The following RAPGEF4 variants were observed in gnomAD, a reference collection of about 807,000 sequenced individuals.
The protein encoded by RAPGEF4 is Rap guanine nucleotide exchange factor 4.
In RAPGEF4, 66 loss-of-function variants were observed where a neutral mutation model predicts 147.9. The observed-to-expected ratio is 0.45, with a 90% confidence interval of 0.37 to 0.55. RAPGEF4 has a LOEUF of 0.55. Among genes scored for constraint, RAPGEF4 ranks in the 20% least tolerant of loss-of-function variants. The pLI is 0.00. For synonymous variants in RAPGEF4, 419 were observed against 442.7 expected, an observed-to-expected ratio of 0.95 and a Z score of 0.67; for missense variants, 1,071 against 1,257.3, an observed-to-expected ratio of 0.85 and a Z score of 2.24.
At chr2:173,026,079 C>T (rs1050409607) in intron 23 of RAPGEF4, among the ~76,000 whole-genome samples, 1 of 152,166 alleles carries the variant, frequency 6.6e-6, no homozygotes, top group Non-Finnish European at 1.5e-5. Context: ...CCTCATGACC[C>T]CAGGCAGTGT....
chr2:172,739,848 G>A (rs1367288088), intron 1 of RAPGEF4, among the ~76,000 whole-genome samples: 1 of 152,186 alleles, frequency 6.6e-6, no homozygotes, highest in Non-Finnish European at 1.5e-5. Context: ...ATCATGATGG[G>A]ACAGGCATTG....
intron 1 of RAPGEF4, among the ~76,000 whole-genome samples, chr2:172,751,841 A>C (rs1695323351): frequency 6.6e-6 from 1 of 152,214 alleles, no homozygotes; most frequent in Admixed American, 6.5e-5. Flanking sequence ...TTTTTGGGAA[A>C]GTACCCATAG....
intron 1 of RAPGEF4, among the ~76,000 whole-genome samples, chr2:172,749,979 CA>C (rs968668722): frequency 3.3e-5 from 5 of 152,108 alleles, no homozygotes; most frequent in African/African-American, 1.2e-4. Flanking sequence ...CTCCAGTTCC[CA>C]AAAAGTTCCT....
At chr2:172,935,442 C>A (rs928549471) in intron 6 of RAPGEF4, among the ~76,000 whole-genome samples, 2 of 151,990 alleles carry the variant, frequency 1.3e-5, no homozygotes, top group Admixed American at 6.6e-5. Flanking sequence ...AGGTCTGTGC[C>A]CAGAAGGAGG....
chr2:172,825,590 C>T (rs960971756), intron 4 of RAPGEF4, among the ~76,000 whole-genome samples: 2 of 152,166 alleles, frequency 1.3e-5, no homozygotes, highest in African/African-American at 4.8e-5. Flanking sequence ...GAGTTAAATA[C>T]ATTGGCATTT....
chr2:172,863,390 A>G (rs776905152), intron 4 of RAPGEF4, among the ~76,000 whole-genome samples: 4 of 152,198 alleles, frequency 2.6e-5, no homozygotes, highest in African/African-American at 4.8e-5. Flanking sequence ...TGGCAAATCT[A>G]TGTTTGGAGT....
intron 1 of RAPGEF4, among the ~76,000 whole-genome samples, chr2:172,776,564 A>AT (rs1444759688): frequency 6.6e-6 from 1 of 151,828 alleles, no homozygotes; most frequent in Non-Finnish European, 1.5e-5. Flanking sequence ...TCATATGTGG[A>AT]TTAAACTCTC....
intron 6 of RAPGEF4, among the ~76,000 whole-genome samples, chr2:172,930,305 A>T (rs953328840): frequency 1.3e-5 from 2 of 152,138 alleles, no homozygotes; most frequent in African/African-American, 4.8e-5. Context: ...TCCCAACAAG[A>T]CACCTTCCTC....
chr2:173,038,078 C>T lies in RAPGEF4; in HGVS notation c.2853+1386C>T, dbSNP rs759642262. 1.1e-4 allele frequency among the ~76,000 whole-genome samples: 17 copies of T among 152,268 alleles called. No homozygotes were observed. The South Asian group carries it at 2.7e-3, about 24-fold the overall frequency. On this transcript the variant is annotated intron_variant, in intron 29 of 30. Coordinates refer to ENST00000397081, the MANE Select transcript of RAPGEF4 (RefSeq NM_007023.4). ...GTCTTAAGCTTCTTAGGAAGTAACA[C>T]GAGTACACACTCCTCAAAGACTCTT...
chr2:172,847,538 G>A (rs1013324461), intron 4 of RAPGEF4, among the ~76,000 whole-genome samples: 21 of 152,264 alleles, frequency 1.4e-4, no homozygotes, highest in African/African-American at 2.9e-4. Flanking sequence ...AGGACGCATC[G>A]TGTGTATTCC....
chr2:173,031,834 G>A (rs1185966920), intron 26 of RAPGEF4, among the ~76,000 whole-genome samples: 1 of 152,072 alleles, frequency 6.6e-6, no homozygotes, highest in Non-Finnish European at 1.5e-5. Flanking sequence ...GTTTTTTAAG[G>A]TGAAGTATAA....
At chr2:172,771,215 G>T (rs1218011228) in intron 1 of RAPGEF4, among the ~76,000 whole-genome samples, 1 of 152,110 alleles carries the variant, frequency 6.6e-6, no homozygotes, top group Non-Finnish European at 1.5e-5. Flanking sequence ...TCAGGGCCTG[G>T]TCTCTGATTC....
intron 4 of RAPGEF4, among the ~76,000 whole-genome samples, chr2:172,878,739 A>C (rs1330708268): frequency 6.6e-6 from 1 of 152,200 alleles, no homozygotes. Flanking sequence ...CACTAGCTAG[A>C]AAAAATGGGC....
chr2:172,820,966 TG>T (rs1371257137), intron 4 of RAPGEF4, among the ~76,000 whole-genome samples: 2 of 152,226 alleles, frequency 1.3e-5, no homozygotes, highest in African/African-American at 4.8e-5. Context: ...GAATAAGGAT[TG>T]TTTGAAGCAA....
intron 1 of RAPGEF4, among the ~76,000 whole-genome samples, chr2:172,785,104 C>T (rs1250287528): frequency 5.3e-5 from 8 of 152,168 alleles, no homozygotes; most frequent in African/African-American, 9.6e-5. Flanking sequence ...GGATTACAGG[C>T]GTGAGCCACT....
intron 6 of RAPGEF4, among the ~76,000 whole-genome samples, chr2:172,938,468 A>C (rs546204365): frequency 6.6e-6 from 1 of 152,262 alleles, no homozygotes; most frequent in East Asian, 1.9e-4. Context: ...CTGGGCCCCC[A>C]TGGGAAACAA....
intron 17 of RAPGEF4, among the ~76,000 whole-genome samples, chr2:173,011,376 C>T (rs1399045379): frequency 6.6e-6 from 1 of 152,194 alleles, no homozygotes; most frequent in Non-Finnish European, 1.5e-5. Context: ...CATTTATTCA[C>T]TCAACAACCT....
chr2:172,846,264 C>T (rs1312215116), intron 4 of RAPGEF4, among the ~76,000 whole-genome samples: 1 of 152,174 alleles, frequency 6.6e-6, no homozygotes, highest in Non-Finnish European at 1.5e-5. Flanking sequence ...CCCTCAGTCC[C>T]AAGCAACCAG....
chr2:172,900,840 A>G (rs1188627178), intron 4 of RAPGEF4, among the ~76,000 whole-genome samples: 1 of 152,238 alleles, frequency 6.6e-6, no homozygotes, highest in African/African-American at 2.4e-5. Context: ...AACACCGTCC[A>G]TAATGTTTTA....
Sources: allele counts gnomAD v4.1 joint callset (sites outside exome capture counted in the v4.1 genomes callset), GRCh38; gene constraint gnomAD v4.1.1; transcripts MANE v1.5; gene names NCBI Gene and HGNC (gene_info 2026-07-23, HGNC 2026-07-21).